SMCHD1: variants seen among roughly 807,000 people sequenced by gnomAD.
SMCHD1 encodes the protein structural maintenance of chromosomes flexible hinge domain-containing protein 1.
In SMCHD1, 78 loss-of-function variants were observed where a neutral mutation model predicts 254.7. The observed-to-expected ratio is 0.31, with a 90% confidence interval of 0.26 to 0.37. SMCHD1 has a LOEUF of 0.37. SMCHD1 is among the 10% of genes least tolerant of loss of function. SMCHD1 has a pLI of 1.00. For missense variants in SMCHD1, 1,840 were observed against 2,408.1 expected (o/e 0.76, Z 4.94); for synonymous variants, 766 against 794.9 (o/e 0.96, Z 0.61).
chr18:2,672,989 C>T (rs2073653538), intron 3 of SMCHD1: 1 of 790,624 alleles, frequency 1.3e-6, no homozygotes, highest in Non-Finnish European at 1.5e-6. Context: ...TTCTGTTTGT[C>T]TCTTAATGTC....
chr18:2,764,734 A>G (rs1598419634), intron 37 of SMCHD1, among the ~76,000 whole-genome samples: 1 of 152,210 alleles, frequency 6.6e-6, no homozygotes, highest in East Asian at 1.9e-4. Context: ...GAGTATGTGC[A>G]TAGGCTGTAT....
In SMCHD1 at chr18:2,795,989, C is replaced by G. The variant is rs760839430; in HGVS notation, c.5760C>G (p.Asp1920Glu). ...ATCGTTCTGCTGTGTGCAAACTAGA[C>G]AGTGTGAATAAGGATCTTAACAGTC... ...QQYRSAVCKL[D>E]SVNKDLNSQL... is the part of the protein sequence containing the mutation. Residue 1920 changes from aspartate (D) to glutamate (E), a missense_variant, in exon 46 of 48, where the codon GAC becomes GAG. Physicochemically the swap from Asp to Glu is conservative, Grantham distance 45. Around this residue, in one of 9 missense-constraint regions of SMCHD1, gnomAD observed 132 missense variants for 138.2 expected, o/e 0.95. Transcript: ENST00000320876. The G allele has an allele frequency of 1.9e-6, 3 of 1,598,136 alleles. No homozygotes were observed. The highest frequency in any genetic ancestry group is 2.6e-6 in the Non-Finnish European group (3 of 1,172,014).
At chr18:2,760,800 G>C (rs2075771251) in intron 35 of SMCHD1, 61 bp downstream of exon 35, 2 of 901,994 alleles carry the variant, frequency 2.2e-6, no homozygotes, top group African/African-American at 1.7e-5. Flanking sequence ...TTTCCCTCTT[G>C]GTTCTGCATT....
intron 17 of SMCHD1, among the ~76,000 whole-genome samples, chr18:2,709,882 G>A (rs1204514375): frequency 6.6e-6 from 1 of 152,160 alleles, no homozygotes; most frequent in Non-Finnish European, 1.5e-5. Context: ...TGACTGTGAT[G>A]CACAAAACTT....
At chr18:2,802,107 C>T (rs535018687) in intron 47 of SMCHD1, among the ~76,000 whole-genome samples, 3 of 151,348 alleles carry the variant, frequency 2.0e-5, no homozygotes, top group South Asian at 4.2e-4. Flanking sequence ...CTGTGTTCAT[C>T]TCTACATGAA....
chr18:2,667,148 C>A (rs1485649503), intron 3 of SMCHD1, 117 bp downstream of exon 3: 2 of 734,730 alleles, frequency 2.7e-6, no homozygotes, highest in African/African-American at 3.6e-5. Context: ...TAGAAGACCA[C>A]TCATTTTCTT....
In SMCHD1 at chr18:2,802,856, A is replaced by G; in HGVS notation, c.*304A>G. Reference sequence around the variant, plus strand: ...GTGGCAGTGACTGTAAAACTGGCACATGGCATTTATTAATCCTGAAGAAAA... The same window carrying G: ...GTGGCAGTGACTGTAAAACTGGCACGTGGCATTTATTAATCCTGAAGAAAA... On this transcript the variant is annotated 3_prime_UTR_variant, in exon 48 of 48. Coordinates refer to ENST00000320876, the MANE Select transcript of SMCHD1 (RefSeq NM_015295.3). 1 of 291,514 alleles carries G rather than the reference A, an allele frequency of 3.4e-6. No individual in the cohort carries two copies. 18.1% of individuals were successfully genotyped at this position (291,514 alleles called of 1,614,324 possible).
At chr18:2,799,719 A>G (rs1372296950) in intron 47 of SMCHD1, among the ~76,000 whole-genome samples, 2 of 152,112 alleles carry the variant, frequency 1.3e-5, no homozygotes, top group African/African-American at 4.8e-5. Flanking sequence ...TCCAATTGTT[A>G]CTAAGACTCT....
At chr18:2,783,782 A>G (rs982664635) in intron 44 of SMCHD1, among the ~76,000 whole-genome samples, 7 of 152,114 alleles carry the variant, frequency 4.6e-5, no homozygotes, top group Non-Finnish European at 7.4e-5. Flanking sequence ...CATGTTGGTC[A>G]GGCTGGTCTC....
At chr18:2,729,183 A>T in intron 23 of SMCHD1, 92 bp from the exon 24 acceptor site, 1 of 1,024,232 alleles carries the variant, frequency 9.8e-7, no homozygotes, top group Non-Finnish European at 1.3e-6. Context: ...CAGAAATAGT[A>T]GCTCTACTGA....
chr18:2,665,989 TTAA>T (rs1404180854), intron 1 of SMCHD1, among the ~76,000 whole-genome samples, 165 bp from the exon 2 acceptor site: 2 of 152,258 alleles, frequency 1.3e-5, no homozygotes, highest in Non-Finnish European at 2.9e-5. Context: ...TTATGCACTA[TTAA>T]TTATGCAAAG....
intron 5 of SMCHD1, among the ~76,000 whole-genome samples, chr18:2,675,956 A>T (rs1482839733): frequency 6.6e-6 from 1 of 152,090 alleles, no homozygotes; most frequent in African/African-American, 2.4e-5. Flanking sequence ...GTCAGTAAAC[A>T]ATCAGTTGTT....
chr18:2,700,964 T>G lies in SMCHD1; in HGVS notation c.1647+46T>G, dbSNP rs779890743. 8.0e-5 allele frequency: 110 copies of G among 1,381,596 alleles called. No homozygotes were observed. In the East Asian group the frequency reaches 2.5e-3, roughly 32 times the overall value. 85.6% of individuals were successfully genotyped at this position (1,381,596 alleles called of 1,614,324 possible). The stretch of plus-strand genomic sequence containing the variant: ...GTTGTGAATATTTGCAAATGTTTTA[T>G]TTTTAAGTAAAAGAAGACACTAGCA... On this transcript the variant is annotated intron_variant, in intron 12 of 47. Transcript: ENST00000320876.
In SMCHD1 at chr18:2,707,578, G is replaced by T; in HGVS notation, c.2079G>T (p.Leu693Phe). 1 of 1,606,186 alleles carries T rather than the reference G, an allele frequency of 6.2e-7. No individual in the cohort carries two copies. The highest frequency in any genetic ancestry group is 8.5e-7 in the Non-Finnish European group (1 of 1,175,494). Residue 693 changes from leucine to phenylalanine, a missense_variant, in exon 16 of 48, where the codon TTG becomes TTT. Coordinates refer to ENST00000320876, the MANE Select transcript of SMCHD1 (RefSeq NM_015295.3). ...TTCATAACAGGCTCCCTGATAGATT[G>T]TCAGTAACTTGGCCTGAAGGAGATG... ...EDEMARLPDRLSVTWPEGDEL... is the reference protein window; with the variant it reads ...EDEMARLPDRFSVTWPEGDEL...
At chr18:2,770,386 T>G (rs1338420191) in intron 39 of SMCHD1, among the ~76,000 whole-genome samples, 1 of 152,206 alleles carries the variant, frequency 6.6e-6, no homozygotes. Flanking sequence ...AATAATAATG[T>G]TTATATTTAG....
intron 12 of SMCHD1, among the ~76,000 whole-genome samples, chr18:2,703,165 T>C (rs1303703143): frequency 1.3e-5 from 2 of 152,246 alleles, no homozygotes; most frequent in South Asian, 2.1e-4. Context: ...TTTTTCGTTA[T>C]CACCCTCATA....
intron 29 of SMCHD1, among the ~76,000 whole-genome samples, chr18:2,745,579 A>G (rs574074324): frequency 1.3e-5 from 2 of 152,210 alleles, no homozygotes; most frequent in African/African-American, 2.4e-5. Flanking sequence ...AGCACTTACA[A>G]AACATAAATT....
chr18:2,659,638 T>G (rs750672547), intron 1 of SMCHD1, among the ~76,000 whole-genome samples: 1 of 152,128 alleles, frequency 6.6e-6, no homozygotes, highest in Non-Finnish European at 1.5e-5. Context: ...CCACCACCAA[T>G]TTGAAGAAAT....
At chr18:2,796,298 A>G in intron 46 of SMCHD1, 109 bp from the exon 47 acceptor site, 1 of 850,106 alleles carries the variant, frequency 1.2e-6, no homozygotes, top group Non-Finnish European at 1.8e-6. Flanking sequence ...CATTCTCAGT[A>G]TACTTTCTTA....
Sources: allele counts gnomAD v4.1 joint callset (sites outside exome capture counted in the v4.1 genomes callset), GRCh38; gene constraint gnomAD v4.1.1; regional missense constraint gnomAD v4.1.1; transcripts MANE v1.5; gene names NCBI Gene and HGNC (gene_info 2026-07-23, HGNC 2026-07-21).